Variants in IL19 observed in about 807,000 individuals in gnomAD.
IL19 encodes the protein interleukin-19.
A neutral mutation model predicts 19.5 loss-of-function variants in IL19; 15 were observed. That is an observed-to-expected ratio of 0.77 (90% CI 0.52 to 1.19). IL19 has a LOEUF of 1.19. IL19 is among the 50% of genes most tolerant of loss of function. The pLI, the probability that IL19 is intolerant of heterozygous loss-of-function variation, is 0.00. For synonymous variants in IL19, 78 were observed against 78.3 expected (o/e 1.00, Z 0.02); for missense variants, 199 against 213.1 (o/e 0.93, Z 0.41).
intron 1 of IL19, among the ~76,000 whole-genome samples, chr1:206,783,510 G>T (rs904441879): frequency 6.6e-6 from 1 of 152,184 alleles, no homozygotes; most frequent in African/African-American, 2.4e-5. Context: ...CAGTGGGTTG[G>T]ATATAAATTG....
At chr1:206,815,574 G>A (rs1233800771) in intron 2 of IL19, among the ~76,000 whole-genome samples, 1 of 152,130 alleles carries the variant, frequency 6.6e-6, no homozygotes, top group Non-Finnish European at 1.5e-5. Flanking sequence ...TTATGACTCA[G>A]TTAGGTCAAT....
chr1:206,806,517 C>G (rs746963783), intron 2 of IL19, among the ~76,000 whole-genome samples: 11 of 152,154 alleles, frequency 7.2e-5, no homozygotes, highest in Non-Finnish European at 1.3e-4. Context: ...GTATTTTAAT[C>G]TGTGAAGGAA....
At chr1:206,775,747 G>A (rs1303448113) in intron 1 of IL19, among the ~76,000 whole-genome samples, 3 of 152,240 alleles carry the variant, frequency 2.0e-5, no homozygotes, top group Non-Finnish European at 4.4e-5. Flanking sequence ...TCATGTCTGA[G>A]ACATGAATGC....
At chr1:206,811,310 G>T (rs1676002400) in intron 2 of IL19, among the ~76,000 whole-genome samples, 3 of 152,014 alleles carry the variant, frequency 2.0e-5, no homozygotes, top group Non-Finnish European at 4.4e-5. Flanking sequence ...CAGGTGTGGT[G>T]GCAGGAAACT....
At chr1:206,832,495 G>T (rs1180118482) in intron 2 of IL19, among the ~76,000 whole-genome samples, 1 of 152,172 alleles carries the variant, frequency 6.6e-6, no homozygotes, top group Non-Finnish European at 1.5e-5. Context: ...GAGGGTACCT[G>T]CCTGGCCATA....
Position 206,809,935 on chromosome 1 carries a change from T to A in IL19, c.-3+10929T>A, listed in dbSNP as rs1405677429. 4.6e-5 allele frequency among the ~76,000 whole-genome samples: 7 copies of A among 152,134 alleles called. No individual in the cohort carries two copies. The South Asian group carries it at 1.0e-3, about 23-fold the overall frequency. ...TCCCAACCACGTTTGTGAAAAACCT[T>A]ATAACAACTTCACTTGGGGCAGTTT... On this transcript the variant is annotated intron_variant, in intron 2 of 6. Coordinates refer to ENST00000659997, the MANE Select transcript of IL19 (RefSeq NM_153758.5).
At chr1:206,798,290 C>A (rs1397230246) in intron 1 of IL19, among the ~76,000 whole-genome samples, 1 of 152,174 alleles carries the variant, frequency 6.6e-6, no homozygotes, top group African/African-American at 2.4e-5. Context: ...ACCTCGCTAG[C>A]CTGCAGGGGG....
intron 2 of IL19, among the ~76,000 whole-genome samples, chr1:206,820,629 A>T (rs888854101): frequency 6.6e-6 from 1 of 152,228 alleles, no homozygotes; most frequent in African/African-American, 2.4e-5. Context: ...TTCAAATAAT[A>T]GCAATCATTT....
At chr1:206,798,215 A>T (rs1261704554) in intron 1 of IL19, among the ~76,000 whole-genome samples, 1 of 152,094 alleles carries the variant, frequency 6.6e-6, no homozygotes, top group African/African-American at 2.4e-5. Flanking sequence ...CATAGGTGCG[A>T]TCATAGTGCA....
chr1:206,833,761 A>G (rs1676689993), intron 2 of IL19: 7 of 985,540 alleles, frequency 7.1e-6, no homozygotes, highest in Non-Finnish European at 8.4e-6. Flanking sequence ...AGAACCCTCC[A>G]GGGGACAAGA....
chr1:206,842,828 G>A lies in IL19; in HGVS notation c.*206G>A, dbSNP rs1422279931. The A allele has an allele frequency of 1.2e-5, 6 of 481,986 alleles. No individual in the cohort carries two copies. The highest frequency in any genetic ancestry group is 2.2e-5 in the Non-Finnish European group (6 of 268,944). The allele number at this position is 481,986 out of a possible 1,614,324, so 29.9% of individuals were successfully genotyped here. A position where few individuals can be genotyped will look rare whatever the true frequency, so the allele number is the denominator to read the frequency against. On this transcript the variant is annotated 3_prime_UTR_variant, in exon 7 of 7. Coordinates refer to ENST00000659997, the MANE Select transcript of IL19 (RefSeq NM_153758.5). The stretch of plus-strand genomic sequence containing the variant: ...GTAATAAACTCTATCTGCTGAAAGG[G>A]CCTGCAGGCCATCCTGGGAGTAAAG...
chr1:206,839,250 C>G (rs896197792), intron 4 of IL19, among the ~76,000 whole-genome samples: 3 of 152,232 alleles, frequency 2.0e-5, no homozygotes, highest in African/African-American at 4.8e-5. Context: ...TCTTGCAAAT[C>G]TCAGCCTCAT....
intron 1 of IL19, among the ~76,000 whole-genome samples, chr1:206,794,068 G>C (rs1369350417): frequency 6.6e-6 from 1 of 152,110 alleles, no homozygotes; most frequent in Admixed American, 6.5e-5. Flanking sequence ...GTGGTGGATG[G>C]GCAATGTTCT....
chr1:206,797,283 G>GTAGACTTC (rs1553439356), intron 1 of IL19, among the ~76,000 whole-genome samples: 1 of 151,854 alleles, frequency 6.6e-6, no homozygotes, highest in African/African-American at 2.4e-5. Context: ...CTCAACTGGT[G>GTAGACTTC]TAGAATTCTC....
intron 1 of IL19, among the ~76,000 whole-genome samples, chr1:206,778,119 G>T (rs1675052439): frequency 6.6e-6 from 1 of 152,212 alleles, no homozygotes; most frequent in Non-Finnish European, 1.5e-5. Context: ...ATGGAACAAG[G>T]GTTATGCAAA....
Position 206,771,818 on chromosome 1 carries a change from G to A in IL19, c.-149+740G>A, listed in dbSNP as rs3790622. ...CAGTTTAGCTTGGAAAGATCCCAGG[G>A]ATTAAGAAGCTCCTTCTAATGCAGG... On this transcript the variant is annotated intron_variant, in intron 1 of 6. Transcript: ENST00000659997. 2.1e-3 allele frequency among the ~76,000 whole-genome samples: 325 copies of A among 152,288 alleles called. 9 individuals carry two copies. In the East Asian group the frequency reaches 0.059, roughly 28 times the overall value.
Position 206,842,682 on chromosome 1 carries a change from A to G in IL19, c.*60A>G, listed in dbSNP as rs1234386084. ...CACCCCCTGTGCGGTTTACTGTGGG[A>G]GACAGCCCACCTTGAAGGGGAAGGA... On this transcript the variant is annotated 3_prime_UTR_variant, in exon 7 of 7. Transcript: ENST00000659997. 2.0e-6 allele frequency: 2 copies of G among 1,017,968 alleles called. No homozygotes were observed. Among genetic ancestry groups the G allele is most frequent in the Non-Finnish European group, 3.0e-6 (2 of 670,672 alleles). The allele number at this position is 1,017,968 out of a possible 1,614,324, so 63.1% of individuals were successfully genotyped here. A position where few individuals can be genotyped will look rare whatever the true frequency, so the allele number is the denominator to read the frequency against.
intron 1 of IL19, among the ~76,000 whole-genome samples, chr1:206,777,937 C>T (rs1675048194): frequency 6.6e-6 from 1 of 152,218 alleles, no homozygotes; most frequent in African/African-American, 2.4e-5. Context: ...ATGCCTATCA[C>T]ACACCCAAAG....
intron 2 of IL19, among the ~76,000 whole-genome samples, chr1:206,804,725 T>G (rs1675800176): frequency 6.6e-6 from 1 of 152,230 alleles, no homozygotes; most frequent in Admixed American, 6.5e-5. Context: ...CTCAGCCTGT[T>G]TCCTCAACTG....
Sources: gnomAD v4.1 joint callset for allele counts (sites outside exome capture counted in the v4.1 genomes callset) on GRCh38, gnomAD v4.1.1 for gene constraint, MANE v1.5 for transcripts, NCBI Gene and HGNC (gene_info 2026-07-23, HGNC 2026-07-21) for gene names.